Variants in VGLL2 observed in about 807,000 individuals in gnomAD.
The protein encoded by VGLL2 is vestigial like family member 2, also known as transcription cofactor vestigial-like protein 2.
In VGLL2, 18 loss-of-function variants were observed where a neutral mutation model predicts 27.0. The ratio of observed to expected loss-of-function variants is 0.67; its 90% CI spans 0.46 to 0.99. The LOEUF (loss-of-function observed/expected upper bound fraction) is 0.99. Ranked by LOEUF, VGLL2 falls within the 50% of genes least tolerant of loss-of-function variation. The pLI, the probability that VGLL2 is intolerant of heterozygous loss-of-function variation, is 0.00. For missense variants in VGLL2, 491 were observed against 452.3 expected, an observed-to-expected ratio of 1.09 and a Z score of -0.78; for synonymous variants, 220 against 201.1, an observed-to-expected ratio of 1.09 and a Z score of -0.80.
intron 2 of VGLL2, among the ~76,000 whole-genome samples, chr6:117,268,717 T>C (rs1330066796): frequency 2.6e-5 from 4 of 152,228 alleles, no homozygotes; most frequent in African/African-American, 9.6e-5. Flanking sequence ...CCTAGGTTTG[T>C]GTGTTGGTTC....
At chr6:117,271,614 A>G (rs1395202091) in intron 3 of VGLL2, among the ~76,000 whole-genome samples, 2 of 152,050 alleles carry the variant, frequency 1.3e-5, no homozygotes. Flanking sequence ...TTTTTTTCCA[A>G]TTCTGGCTAC....
At chr6:117,268,137 A>T (rs1273425138) in intron 1 of VGLL2, 45 bp from the exon 2 acceptor site, 7 of 1,589,308 alleles carry the variant, frequency 4.4e-6, no homozygotes, top group Middle Eastern at 1.9e-4. Context: ...CGAATTTGCC[A>T]TCGCTTTTGA....
At chr6:117,265,969 C>G in intron 1 of VGLL2, 125 bp downstream of exon 1, 1 of 865,770 alleles carries the variant, frequency 1.2e-6, no homozygotes. Context: ...CCGGCGCAGC[C>G]GGGATGCGGG....
chr6:117,270,137 G>T, intron 2 of VGLL2, among the ~76,000 whole-genome samples: 1 of 152,028 alleles, frequency 6.6e-6, no homozygotes, highest in African/African-American at 2.4e-5. Context: ...AGAGGTTAAG[G>T]CTAGGAAAGG....
At position 117,268,395 on chromosome 6, in the gene VGLL2, G is replaced by A; in HGVS notation, c.295G>A (p.Val99Met). The A allele has an allele frequency of 6.2e-7, 1 of 1,614,046 alleles. No individual in the cohort carries two copies. Reference sequence around the variant, plus strand: ...TTTCCAGGGGGACATCAGCTCCGTGGTGGATGAACATTTCAGCAGGGCCCT... The same window carrying A: ...TTTCCAGGGGGACATCAGCTCCGTGATGGATGAACATTTCAGCAGGGCCCT... The part of the protein sequence containing the change: ...TYFQGDISSV[V>M]DEHFSRALSQ... The change falls in exon 2 of 4, where the codon GTG becomes ATG. Residue 99 changes from valine to methionine, a missense_variant. Physicochemically the swap from Val to Met is conservative, Grantham distance 21 (BLOSUM62 1). Transcript: ENST00000326274.
chr6:117,270,014 C>T (rs1037192975), intron 2 of VGLL2, among the ~76,000 whole-genome samples: 30 of 151,840 alleles, frequency 2.0e-4, no homozygotes, highest in African/African-American at 6.8e-4. Flanking sequence ...CTGTCAGAGA[C>T]GTTAGGTGGT....
In VGLL2 at chr6:117,270,942, G is replaced by A. The variant is rs1205641859; in HGVS notation, c.791G>A (p.Ser264Asn). The A allele has an allele frequency of 6.4e-6, 8 of 1,240,796 alleles. No individual in the cohort carries two copies. The highest frequency in any genetic ancestry group is 6.0e-6 in the Non-Finnish European group (6 of 997,594). 76.9% of individuals were successfully genotyped at this position (1,240,796 alleles called of 1,614,324 possible). Residue 264 changes from serine to asparagine, a missense_variant, in exon 3 of 4, where the codon AGT (serine) becomes AAT (asparagine). Coordinates refer to ENST00000326274, the MANE Select transcript of VGLL2 (RefSeq NM_182645.3). ...ACCGCCCCGGCGCCCGCGCCCGGCA[G>A]TCCTCCCTGCGAGCTCTCCGGCAAA... ...LATAPAPAPGSPPCELSGKGE... is the reference protein window; with the variant it reads ...LATAPAPAPGNPPCELSGKGE...
chr6:117,270,567 G>C lies in VGLL2; in HGVS notation c.416G>C (p.Arg139Pro). The change falls in exon 3 of 4, where the codon CGC becomes CCC. Residue 139 changes from arginine to proline, a missense_variant. Physicochemically the swap from Arg to Pro is moderately radical, Grantham distance 103 (BLOSUM62 -2). Coordinates refer to ENST00000326274, the MANE Select transcript of VGLL2 (RefSeq NM_182645.3). Reference sequence around the variant, plus strand: ...GACTGCTCCTTCCCGATGAGCCAGCGCAGCTTCCCCGCCTCCTTCTGGAAT... The same window carrying C: ...GACTGCTCCTTCCCGATGAGCCAGCCCAGCTTCCCCGCCTCCTTCTGGAAT... ...WRDCSFPMSQ[R>P]SFPASFWNSA... The C allele has an allele frequency of 2.5e-6, 4 of 1,598,594 alleles. No individual in the cohort carries two copies. Among genetic ancestry groups the C allele is most frequent in the Non-Finnish European group, 3.4e-6 (4 of 1,174,102 alleles).
At position 117,270,925 on chromosome 6, in the gene VGLL2, G is replaced by GGCGCCC; in HGVS notation, c.782_787dup (p.Ala261_Pro262dup). 8.0e-7 allele frequency: 1 copy of GGCGCCC among 1,243,328 alleles called. No homozygotes were observed. 77.0% of individuals were successfully genotyped at this position (1,243,328 alleles called of 1,614,324 possible). On this transcript the variant is annotated inframe_insertion, in exon 3 of 4. Coordinates refer to ENST00000326274, the MANE Select transcript of VGLL2 (RefSeq NM_182645.3). ...GCCCGGCCCGCCTCGCAACCGCCCCGGCGCCCGCGCCCGGCAGTCCTCCCT... is the reference window on the plus strand; with the variant it reads ...GCCCGGCCCGCCTCGCAACCGCCCCGGCGCCCGCGCCCGCGCCCGGCAGTCCTCCCT...
In VGLL2 at chr6:117,268,319, G is replaced by A. The variant is rs776868131; in HGVS notation, c.219G>A (p.Glu73=). 6.4e-5 allele frequency: 104 copies of A among 1,614,056 alleles called. No homozygotes were observed. In the South Asian group the frequency reaches 1.1e-3, roughly 18 times the overall value. ...AGGAAGAAGGCAGCCCAGAGAAAGAGCGCCCACCAGAGGCAGAGTACATCA... is the reference window on the plus strand; with the variant it reads ...AGGAAGAAGGCAGCCCAGAGAAAGAACGCCCACCAGAGGCAGAGTACATCA... The part of the protein sequence containing the change: ...IKEEEGSPEK[E]RPPEAEYINS... The change falls in exon 2 of 4, where the codon GAG becomes GAA. Residue 73 remains glutamate (E), a synonymous_variant. Transcript: ENST00000326274.
Position 117,265,691 on chromosome 6 carries a change from C to T in VGLL2, c.-73C>T. On this transcript the variant is annotated 5_prime_UTR_variant, in exon 1 of 4. Transcript: ENST00000326274. ...CCAGAGCGCGGGTCCAAGCGCCGCC[C>T]ATGCAGCACCCCTGAGCTCCGGGGA... 1 of 1,351,240 alleles carries T rather than the reference C, an allele frequency of 7.4e-7. No homozygotes were observed. Among genetic ancestry groups the T allele is most frequent in the Non-Finnish European group, 1.1e-6 (1 of 947,124 alleles). The allele number at this position is 1,351,240 out of a possible 1,614,324, so 83.7% of individuals were successfully genotyped here.
At chr6:117,268,895 C>A (rs746782684) in intron 2 of VGLL2, among the ~76,000 whole-genome samples, 24 of 152,110 alleles carry the variant, frequency 1.6e-4, no homozygotes, top group Admixed American at 6.5e-5. Flanking sequence ...GTGAGGTTTC[C>A]AGCACCCTCC....
intron 2 of VGLL2, among the ~76,000 whole-genome samples, chr6:117,270,052 G>C (rs537294475): frequency 6.6e-6 from 1 of 152,288 alleles, no homozygotes; most frequent in Non-Finnish European, 1.5e-5. Context: ...GAGCAAGAAG[G>C]CTGAAACGCG....
At chr6:117,271,620 G>C (rs1377492927) in intron 3 of VGLL2, among the ~76,000 whole-genome samples, 1 of 151,748 alleles carries the variant, frequency 6.6e-6, no homozygotes, top group Non-Finnish European at 1.5e-5. Flanking sequence ...TCCAATTCTG[G>C]CTACTAGAAT....
In VGLL2 at chr6:117,270,567, G is replaced by T; in HGVS notation, c.416G>T (p.Arg139Leu). ...GACTGCTCCTTCCCGATGAGCCAGCGCAGCTTCCCCGCCTCCTTCTGGAAT... is the reference window on the plus strand; with the variant it reads ...GACTGCTCCTTCCCGATGAGCCAGCTCAGCTTCCCCGCCTCCTTCTGGAAT... ...WRDCSFPMSQ[R>L]SFPASFWNSA... The change falls in exon 3 of 4, where the codon CGC becomes CTC. Residue 139 changes from arginine (R) to leucine (L), a missense_variant. Physicochemically the swap from Arg to Leu is moderately radical, Grantham distance 102 (BLOSUM62 -2). Transcript: ENST00000326274. 2 of 1,598,594 alleles carry T rather than the reference G, an allele frequency of 1.3e-6. No homozygotes were observed. The highest frequency in any genetic ancestry group is 1.4e-5 in the African/African-American group (1 of 73,580).
chr6:117,265,558 G>T lies in VGLL2; in HGVS notation c.-206G>T. 3.9e-6 allele frequency: 2 copies of T among 512,350 alleles called. No individual in the cohort carries two copies. The highest frequency in any genetic ancestry group is 7.1e-6 in the Non-Finnish European group (2 of 283,162). 31.7% of individuals were successfully genotyped at this position (512,350 alleles called of 1,614,324 possible). A position where few individuals can be genotyped will look rare whatever the true frequency, so the allele number is the denominator to read the frequency against. On this transcript the variant is annotated 5_prime_UTR_variant, in exon 1 of 4. Coordinates refer to ENST00000326274, the MANE Select transcript of VGLL2 (RefSeq NM_182645.3). Reference sequence around the variant, plus strand: ...AATGCCCACTAGCGGGAGCTCAGGCGCTTCTGCCCTGGAGCGCGGTCGGGA... The same window carrying T: ...AATGCCCACTAGCGGGAGCTCAGGCTCTTCTGCCCTGGAGCGCGGTCGGGA...
At chr6:117,270,359 C>G (rs1018635474) in intron 2 of VGLL2, among the ~76,000 whole-genome samples, 184 bp from the exon 3 acceptor site, 1 of 152,076 alleles carries the variant, frequency 6.6e-6, no homozygotes, top group Non-Finnish European at 1.5e-5. Context: ...GGTTGCAGCC[C>G]CCTTAGAAAA....
intron 1 of VGLL2, 73 bp downstream of exon 1, chr6:117,265,917 A>G (rs1656292405): frequency 2.9e-6 from 4 of 1,385,892 alleles, no homozygotes; most frequent in African/African-American, 1.4e-5. Flanking sequence ...CTGTACGCCA[A>G]GGTCTGCTGT....
rs1773048323 is a variant in VGLL2, at chr6:117,265,634, G to T, written c.-130G>T. The T allele has an allele frequency of 1.3e-6, 1 of 751,206 alleles. No homozygotes were observed. The highest frequency in any genetic ancestry group is 2.3e-6 in the Non-Finnish European group (1 of 439,930). The allele number at this position is 751,206 out of a possible 1,614,324, so 46.5% of individuals were successfully genotyped here. A position where few individuals can be genotyped will look rare whatever the true frequency, so the allele number is the denominator to read the frequency against. On this transcript the variant is annotated 5_prime_UTR_variant, in exon 1 of 4. Transcript: ENST00000326274. Reference sequence around the variant, plus strand: ...GCGAGCCAGCTGGATTCCGAGCCGCGGAGCGCGCTGGCTTTGCTCCGCCTG... The same window carrying T: ...GCGAGCCAGCTGGATTCCGAGCCGCTGAGCGCGCTGGCTTTGCTCCGCCTG...
Sources: gnomAD v4.1 joint callset for allele counts (sites outside exome capture counted in the v4.1 genomes callset) on GRCh38, gnomAD v4.1.1 for gene constraint, MANE v1.5 for transcripts, NCBI Gene and HGNC (gene_info 2026-07-23, HGNC 2026-07-21) for gene names.